Variants in JADE1 observed in about 807,000 individuals in gnomAD.
JADE1 encodes the protein jade family PHD finger 1.
A neutral mutation model predicts 81.8 loss-of-function variants in JADE1; 14 were observed. That is an observed-to-expected ratio of 0.17 (90% CI 0.11 to 0.27). The LOEUF is 0.27. Ranked by LOEUF, JADE1 falls within the 10% of genes least tolerant of loss-of-function variation. The pLI is 1.00. For missense variants in JADE1, 690 were observed against 1,047.9 expected (o/e 0.66, Z 4.71); for synonymous variants, 353 against 391.9 (o/e 0.90, Z 1.17).
chr4:128,836,933 G>T (rs891811834), intron 2 of JADE1, among the ~76,000 whole-genome samples: 7 of 151,986 alleles, frequency 4.6e-5, no homozygotes, highest in African/African-American at 1.7e-4. Context: ...TGTTTTTGTT[G>T]GTTTTGGTTG....
intron 6 of JADE1, 66 bp downstream of exon 6, chr4:128,852,334 A>G (rs1212072749): frequency 7.7e-7 from 1 of 1,291,002 alleles, no homozygotes; most frequent in African/African-American, 1.5e-5. Flanking sequence ...GTGGGAGTGT[A>G]TGCCTGGAGT....
chr4:128,860,846 C>G (rs1242146150), intron 8 of JADE1, among the ~76,000 whole-genome samples: 1 of 152,190 alleles, frequency 6.6e-6, no homozygotes, highest in Non-Finnish European at 1.5e-5. Context: ...TCACGGTTCT[C>G]CTGCCTCTCT....
intron 6 of JADE1, among the ~76,000 whole-genome samples, chr4:128,854,195 C>T (rs62317923): frequency 0.048 from 7,268 of 152,132 alleles, 278 homozygotes; most frequent in Non-Finnish European, 0.074. Context: ...CAAGCTCTCA[C>T]GGTGGACGTG....
At chr4:128,863,991 AT>A (rs1428702024) in intron 9 of JADE1, 10 of 984,310 alleles carry the variant, frequency 1.0e-5, no homozygotes, top group African/African-American at 1.8e-5. Context: ...AATTCTAAAC[AT>A]TTTTTTTGGA....
intron 8 of JADE1, among the ~76,000 whole-genome samples, chr4:128,859,743 C>A (rs986566608): frequency 3.9e-5 from 6 of 152,048 alleles, no homozygotes; most frequent in African/African-American, 1.4e-4. Context: ...AAGAGGTGGG[C>A]GAATGGGATC....
In JADE1 at chr4:128,831,473, G is replaced by A. The variant is rs76457753; in HGVS notation, c.-26-260G>A. 2,352 of 468,432 alleles carry A rather than the reference G, an allele frequency of 5.0e-3. 57 individuals carry two copies. Among genetic ancestry groups the A allele is most frequent in the African/African-American group, 0.043 (2,191 of 50,640 alleles). 29.0% of individuals were successfully genotyped at this position (468,432 alleles called of 1,614,324 possible). A position where few individuals can be genotyped will look rare whatever the true frequency, so the allele number is the denominator to read the frequency against. On this transcript the variant is annotated intron_variant, in intron 1 of 10. Transcript: ENST00000226319. ...AGTAGTTATAGTAATAATGTCACAG[G>A]AATATAGAAAGAAACCTGGCATCTT...
chr4:128,856,069 T>C (rs1221426040), intron 7 of JADE1, among the ~76,000 whole-genome samples: 2 of 152,140 alleles, frequency 1.3e-5, no homozygotes, highest in Non-Finnish European at 2.9e-5. Context: ...TCCTCTTTCC[T>C]TGGCTTTCCA....
At chr4:128,853,243 G>A (rs1039422821) in intron 6 of JADE1, among the ~76,000 whole-genome samples, 3 of 152,198 alleles carry the variant, frequency 2.0e-5, no homozygotes, top group African/African-American at 7.2e-5. Context: ...TTCAGAGTGA[G>A]CTCATCTTAA....
chr4:128,846,286 T>C lies in JADE1; in HGVS notation c.139-89T>C. 1 of 1,306,260 alleles carries C rather than the reference T, an allele frequency of 7.7e-7. No individual in the cohort carries two copies. The highest frequency in any genetic ancestry group is 1.3e-5 in the South Asian group (1 of 77,144). 80.9% of individuals were successfully genotyped at this position (1,306,260 alleles called of 1,614,324 possible). A position where few individuals can be genotyped will look rare whatever the true frequency, so the allele number is the denominator to read the frequency against. On this transcript the variant is annotated intron_variant, in intron 3 of 10. Coordinates refer to ENST00000226319, the MANE Select transcript of JADE1 (RefSeq NM_199320.4). This position sits in a 1 kb window ranked among gnomAD's most constrained non-coding sequence, Gnocchi z 4.0. ...ATGTTGATACAGTGACCTTGTTACA[T>C]GGCAGCTCCATGGTTACATTGCAGC...
chr4:128,864,394 T>C lies in JADE1; in HGVS notation c.1503+2169T>C, dbSNP rs145719437. ...CTCCTGACCTCAAGTGATCTACCTG[T>C]CTTGGCCTCCCAGAGTGTTGGGATT... On this transcript the variant is annotated intron_variant, in intron 9 of 10. Coordinates refer to ENST00000226319, the MANE Select transcript of JADE1 (RefSeq NM_199320.4). 6.0e-3 allele frequency: 5,668 copies of C among 950,366 alleles called. 169 individuals carry two copies. The African/African-American group carries it at 0.075, about 13-fold the overall frequency. The allele number at this position is 950,366 out of a possible 1,614,324, so 58.9% of individuals were successfully genotyped here.
intron 6 of JADE1, among the ~76,000 whole-genome samples, chr4:128,854,866 A>G (rs775989135): frequency 8.5e-5 from 13 of 152,176 alleles, no homozygotes; most frequent in Non-Finnish European, 1.3e-4. Context: ...TCTGCAGTTT[A>G]TGCCATCTTG....
intron 6 of JADE1, among the ~76,000 whole-genome samples, chr4:128,855,118 C>T (rs1179863336): frequency 6.6e-6 from 1 of 152,058 alleles, no homozygotes; most frequent in Non-Finnish European, 1.5e-5. Flanking sequence ...TGTTCCATTG[C>T]CATCTCATTC....
At chr4:128,827,057 A>G (rs916963538) in intron 1 of JADE1, among the ~76,000 whole-genome samples, 14 of 152,048 alleles carry the variant, frequency 9.2e-5, no homozygotes, top group Admixed American at 9.2e-4. Context: ...CTTATCCTTG[A>G]TATTTCTGTT....
intron 1 of JADE1, among the ~76,000 whole-genome samples, chr4:128,810,737 G>A (rs1488514909): frequency 7.0e-6 from 1 of 143,368 alleles, no homozygotes; most frequent in Non-Finnish European, 1.5e-5. Flanking sequence ...TGAGAGGGGG[G>A]TGGGGGTGGG....
chr4:128,871,152 T>A lies in JADE1; in HGVS notation c.1622-203T>A. Among the ~76,000 whole-genome samples the A allele has an allele frequency of 6.6e-6, 1 of 152,190 alleles. No individual in the cohort carries two copies. The highest frequency in any genetic ancestry group is 1.5e-5 in the Non-Finnish European group (1 of 68,024). ...AGCTGTTTTAGAAAATGTGGCATAT[T>A]GAGTCTGCAGATTGAATGGAGATTC... On this transcript the variant is annotated intron_variant, in intron 10 of 10. Transcript: ENST00000226319. The surrounding 1 kb of genome is among the most constrained non-coding windows in gnomAD (Gnocchi z 4.1).
Position 128,866,372 on chromosome 4 carries a change from A to G in JADE1, c.1504-1484A>G, listed in dbSNP as rs114881192. 4.1e-3 allele frequency among the ~76,000 whole-genome samples: 631 copies of G among 152,358 alleles called. 5 individuals carry two copies. The highest frequency in any genetic ancestry group is 7.0e-3 in the Non-Finnish European group (476 of 68,030). On this transcript the variant is annotated intron_variant, in intron 9 of 10. Coordinates refer to ENST00000226319, the MANE Select transcript of JADE1 (RefSeq NM_199320.4). ...AAGTGAATTTGTTAGGGGCAGGAGA[A>G]GCCTGACTTGGCATTTTCCTGTTTA...
At chr4:128,829,523 A>G (rs943959816) in intron 1 of JADE1, among the ~76,000 whole-genome samples, 1 of 118,548 alleles carries the variant, frequency 8.4e-6, no homozygotes, top group Non-Finnish European at 1.9e-5. Flanking sequence ...GTGTAGATCC[A>G]TTTTTTAAGT....
At chr4:128,821,841 A>AATTTTCTT (rs1388407643) in intron 1 of JADE1, among the ~76,000 whole-genome samples, 17 of 151,950 alleles carry the variant, frequency 1.1e-4, no homozygotes, top group African/African-American at 4.1e-4. Context: ...TTTAAACCCT[A>AATTTTCTT]ATTTTCTTGT....
In JADE1 at chr4:128,872,699, G is replaced by T; in HGVS notation, c.*437G>T. On this transcript the variant is annotated 3_prime_UTR_variant, in exon 11 of 11. Transcript: ENST00000226319. ...ACAGCCCATAAAGTTTATTTTCTAG[G>T]ACTGTGGTAGATCTTGAAATCATAT... The T allele has an allele frequency of 3.5e-6, 1 of 286,592 alleles. No individual in the cohort carries two copies. The allele number at this position is 286,592 out of a possible 1,614,324, so 17.8% of individuals were successfully genotyped here. A position where few individuals can be genotyped will look rare whatever the true frequency, so the allele number is the denominator to read the frequency against.
Sources: gnomAD v4.1 joint callset for allele counts (sites outside exome capture counted in the v4.1 genomes callset) on GRCh38, gnomAD v4.1.1 for gene constraint, Gnocchi (gnomAD v3.1) non-coding constraint, MANE v1.5 for transcripts, NCBI Gene and HGNC (gene_info 2026-07-23, HGNC 2026-07-21) for gene names.